The following MSI2 variants were observed in gnomAD, a reference collection of about 807,000 sequenced individuals.
MSI2 encodes the protein musashi RNA binding protein 2.
A neutral mutation model predicts 45.6 loss-of-function variants in MSI2; 17 were observed. That is an observed-to-expected ratio of 0.37 (90% CI 0.26 to 0.56). The LOEUF (loss-of-function observed/expected upper bound fraction) is 0.56. Ranked by LOEUF, MSI2 falls within the 20% of genes least tolerant of loss-of-function variation. The pLI, the probability that MSI2 is intolerant of heterozygous loss-of-function variation, is 0.77. For synonymous variants in MSI2, 156 were observed against 158.2 expected, an observed-to-expected ratio of 0.99 and a Z score of 0.11; for missense variants, 293 against 444.2, an observed-to-expected ratio of 0.66 and a Z score of 3.06.
intron 5 of MSI2, among the ~76,000 whole-genome samples, chr17:57,337,884 C>T (rs1048185851): frequency 1.3e-5 from 2 of 151,994 alleles, no homozygotes; most frequent in Admixed American, 6.6e-5. Flanking sequence ...TGGAAAAGAA[C>T]CCAGAATTAG....
chr17:57,631,960 G>A lies in MSI2; in HGVS notation c.727+4657G>A. 3 of 1,460,276 alleles carry A rather than the reference G, an allele frequency of 2.1e-6. No homozygotes were observed. The South Asian group carries it at 4.3e-5, about 21-fold the overall frequency. The allele number at this position is 1,460,276 out of a possible 1,614,324, so 90.5% of individuals were successfully genotyped here. A position where few individuals can be genotyped will look rare whatever the true frequency, so the allele number is the denominator to read the frequency against. ...GTCTGTCTTAGCTGCCTGTTTGAAT[G>A]ACTGTTCTTTTTCTCATTTTTAATT... On this transcript the variant is annotated intron_variant, in intron 10 of 13. Transcript: ENST00000284073.
the MSI2 span, among the ~76,000 whole-genome samples, chr17:57,699,801 G>A: frequency 7.2e-5 from 11 of 152,232 alleles, no homozygotes; most frequent in African/African-American, 2.7e-4. Context: ...CGGAAGAGGG[G>A]ATGGGGCACA....
Position 57,684,369 on chromosome 17 carries a change from T to C in MSI2, c.*4852T>C, listed in dbSNP as rs1346843223. 1 of 183,204 alleles carries C rather than the reference T, an allele frequency of 5.5e-6. No homozygotes were observed. The highest frequency in any genetic ancestry group is 2.4e-5 in the African/African-American group (1 of 42,456). The allele number at this position is 183,204 out of a possible 1,614,324, so 11.3% of individuals were successfully genotyped here. ...CTAGCACTGTGGCTGACCTCACCCT[T>C]ACTTTTATACTTTAGTATGAAACTG... On this transcript the variant is annotated 3_prime_UTR_variant, in exon 14 of 14. Transcript: ENST00000284073.
At chr17:57,590,360 C>T (rs748565453) in intron 7 of MSI2, among the ~76,000 whole-genome samples, 22 of 152,162 alleles carry the variant, frequency 1.4e-4, no homozygotes, top group Non-Finnish European at 2.9e-4. Context: ...TCAGTGACTG[C>T]GTTTGGAGCA....
chr17:57,545,310 C>T (rs566116994), intron 7 of MSI2, among the ~76,000 whole-genome samples: 2 of 152,198 alleles, frequency 1.3e-5, no homozygotes, highest in East Asian at 3.9e-4. Flanking sequence ...GATGAAACTC[C>T]CATATGTCCT....
intron 7 of MSI2, among the ~76,000 whole-genome samples, chr17:57,572,859 A>G (rs984660272): frequency 1.3e-5 from 2 of 152,214 alleles, no homozygotes; most frequent in African/African-American, 2.4e-5. Flanking sequence ...TGTAAACTCT[A>G]TTTTTAACTA....
chr17:57,500,908 A>G (rs1322949708), intron 6 of MSI2, among the ~76,000 whole-genome samples: 1 of 151,074 alleles, frequency 6.6e-6, no homozygotes, highest in African/African-American at 2.4e-5. Context: ...GGCTGCAGTG[A>G]GTTATGATTG....
chr17:57,269,640 A>G (rs535115171), intron 5 of MSI2, among the ~76,000 whole-genome samples: 35 of 152,148 alleles, frequency 2.3e-4, no homozygotes, highest in Non-Finnish European at 4.4e-4. Context: ...ACAAGGGACC[A>G]TGATATAGAT....
chr17:57,282,630 A>T (rs1909520828), intron 5 of MSI2, among the ~76,000 whole-genome samples: 1 of 151,994 alleles, frequency 6.6e-6, no homozygotes. Context: ...TGTTAGGGGT[A>T]GGAGTAGGTA....
intron 6 of MSI2, among the ~76,000 whole-genome samples, chr17:57,435,163 G>T (rs964451623): frequency 1.3e-5 from 2 of 152,044 alleles, no homozygotes; most frequent in Non-Finnish European, 2.9e-5. Context: ...ACTTTTGATG[G>T]GGGTGGTAAG....
intron 6 of MSI2, among the ~76,000 whole-genome samples, chr17:57,487,714 A>G (rs2085783007): frequency 6.6e-6 from 1 of 151,714 alleles, no homozygotes; most frequent in South Asian, 2.1e-4. Flanking sequence ...AGCTTTAACC[A>G]CACCAAACTG....
chr17:57,582,317 G>A (rs11656009), intron 7 of MSI2, among the ~76,000 whole-genome samples: 96,250 of 151,874 alleles, frequency 0.63, 30,584 homozygotes, highest in African/African-American at 0.68. Context: ...TATCTTACCT[G>A]ATTTTTAATT....
At chr17:57,648,172 TG>T (rs1406462282) in intron 10 of MSI2, among the ~76,000 whole-genome samples, 23 of 150,014 alleles carry the variant, frequency 1.5e-4, no homozygotes, top group African/African-American at 5.0e-4. Flanking sequence ...TGTGTGTGTG[TG>T]TGTGTGTGTT....
At chr17:57,654,908 C>T (rs1391136563) in intron 11 of MSI2, among the ~76,000 whole-genome samples, 2 of 131,838 alleles carry the variant, frequency 1.5e-5, no homozygotes, top group Non-Finnish European at 3.1e-5. Flanking sequence ...CTAGCTCCAA[C>T]GTTTGGGTTT....
At chr17:57,576,940 C>T (rs1159385677) in intron 7 of MSI2, among the ~76,000 whole-genome samples, 1 of 151,996 alleles carries the variant, frequency 6.6e-6, no homozygotes, top group East Asian at 1.9e-4. Flanking sequence ...AAGGGAAGTC[C>T]AGTCCGGTAT....
chr17:57,369,841 C>T (rs954211020), intron 5 of MSI2, among the ~76,000 whole-genome samples: 1 of 152,160 alleles, frequency 6.6e-6, no homozygotes, highest in Non-Finnish European at 1.5e-5. Context: ...AGGCCTCATG[C>T]CTTCTGTTCT....
intron 1 of MSI2, 129 bp downstream of exon 1, chr17:57,256,933 G>T (rs1002227943): frequency 3.0e-5 from 27 of 908,374 alleles, no homozygotes; most frequent in Middle Eastern, 7.6e-4. Context: ...CCCCGTGGAA[G>T]TTACACACCT....
intron 5 of MSI2, among the ~76,000 whole-genome samples, chr17:57,284,293 G>T (rs1253000086): frequency 6.6e-6 from 1 of 152,056 alleles, no homozygotes; most frequent in East Asian, 1.9e-4. Flanking sequence ...TGTCCTTGAG[G>T]CTCACTCCTG....
intron 6 of MSI2, among the ~76,000 whole-genome samples, chr17:57,513,994 G>C (rs1018977299): frequency 1.3e-5 from 2 of 152,200 alleles, no homozygotes; most frequent in African/African-American, 4.8e-5. Flanking sequence ...AGGAGATTAA[G>C]ATTTCCTTTT....
Sources: gnomAD v4.1 joint callset for allele counts (sites outside exome capture counted in the v4.1 genomes callset) on GRCh38, gnomAD v4.1.1 for gene constraint, MANE v1.5 for transcripts, NCBI Gene and HGNC (gene_info 2026-07-23, HGNC 2026-07-21) for gene names.